NXT2: variants seen among roughly 807,000 people sequenced by gnomAD.
The protein encoded by NXT2 is nuclear transport factor 2 like export factor 2, also known as NTF2-related export protein 2.
A neutral mutation model predicts 9.6 loss-of-function variants in NXT2; 1 was observed. The observed-to-expected ratio is 0.10, with a 90% CI of 0.04 to 0.49. The LOEUF (loss-of-function observed/expected upper bound fraction) is 0.49, where lower values mean the gene tolerates loss of function less well. Among genes scored for constraint, NXT2 ranks in the 20% least tolerant of loss-of-function variants. NXT2 has a pLI of 0.95. For missense variants in NXT2, 48 were observed against 100.3 expected, an observed-to-expected ratio of 0.48 and a Z score of 2.23; for synonymous variants, 22 against 35.4, an observed-to-expected ratio of 0.62 and a Z score of 1.34.
rs141965871 is a variant in NXT2 at position 109,537,256 on chromosome X, G to A, written c.15+235G>A. On this transcript the variant is annotated intron_variant, in intron 1 of 3. Coordinates refer to ENST00000372106, the MANE Select transcript of NXT2 (RefSeq NM_001242617.2). The stretch of plus-strand genomic sequence containing the variant: ...GACCCTGAGCTGGGAAATAGCGAGA[G>A]GCGGGGATGTTGGGGTTTGTTGTTT... 4.1e-3 allele frequency: 4,149 copies of A among 1,003,913 alleles called. 78 individuals are homozygous for A. In the East Asian group the frequency reaches 0.079, roughly 19 times the overall value. The allele number at this position is 1,003,913 out of a possible 1,213,427, so 82.7% of individuals were successfully genotyped here.
chrX:109,536,865 A>C lies in NXT2; in HGVS notation c.-142A>C, dbSNP rs1933284714. 8.7e-7 allele frequency: 1 copy of C among 1,154,992 alleles called. No homozygotes were observed. On this transcript the variant is annotated 5_prime_UTR_variant, in exon 1 of 4. Coordinates refer to ENST00000372106, the MANE Select transcript of NXT2 (RefSeq NM_001242617.2). ...CGACGGACCGAGCTACTTCCGGGAG[A>C]GAATGGGAGGGTGGAAAATTTTGTG... is the stretch of plus-strand genomic sequence containing the variant.
chrX:109,541,117 C>T (rs975509063), intron 2 of NXT2, among the ~76,000 whole-genome samples: 1 of 111,924 alleles, frequency 8.9e-6, no homozygotes, highest in Non-Finnish European at 1.9e-5. Flanking sequence ...AAGGAAGACA[C>T]ACTAAAACTG....
chrX:109,541,350 G>T lies in NXT2; in HGVS notation c.103-125G>T, dbSNP rs1014362060. The T allele has an allele frequency of 3.6e-5, 19 of 522,119 alleles. No homozygotes were observed. In the South Asian group the frequency reaches 8.8e-4, roughly 24 times the overall value. 43.0% of individuals were successfully genotyped at this position (522,119 alleles called of 1,213,427 possible). On this transcript the variant is annotated intron_variant, in intron 2 of 3. Coordinates refer to ENST00000372106, the MANE Select transcript of NXT2 (RefSeq NM_001242617.2). ...TTCCAGTGGAGATGGAGCAAGGGGAGTGGAGATGAAGGTAGAACTACAAAA... is the reference window on the plus strand; with the variant it reads ...TTCCAGTGGAGATGGAGCAAGGGGATTGGAGATGAAGGTAGAACTACAAAA...
upstream of NXT2, among the ~76,000 whole-genome samples, chrX:109,536,233 G>C (rs903338221): frequency 4.5e-5 from 5 of 112,161 alleles, no homozygotes; most frequent in African/African-American, 1.6e-4. Context: ...GATTAGAAAA[G>C]CACCTTACAT....
In NXT2 at chrX:109,541,477, A is replaced by T; in HGVS notation, c.105A>T (p.Ala35=). ...TTTAAATTTGTCTTTCTTTTTAGGC[A>T]CTAACCAGGCTGTATCTGGACAAGG... The part of the protein sequence containing the change: ...YYETMDKRRR[A]LTRLYLDKAT... The change falls in exon 3 of 4, where the codon GCA becomes GCT. Residue 35 remains alanine, a splice_region_variant and synonymous_variant. Transcript: ENST00000372106. 2 of 1,185,497 alleles carry T rather than the reference A, an allele frequency of 1.7e-6. No homozygotes were observed. Among genetic ancestry groups the T allele is most frequent in the Non-Finnish European group, 2.3e-6 (2 of 878,368 alleles).
chrX:109,538,786 A>C (rs1480534944), intron 2 of NXT2, among the ~76,000 whole-genome samples: 1 of 111,415 alleles, frequency 9.0e-6, no homozygotes, highest in Non-Finnish European at 1.9e-5. Context: ...TGTGCTTTGG[A>C]GAACTACTTC....
chrX:109,541,715 CTATT>C, intron 3 of NXT2, 96 bp downstream of exon 3: 1 of 687,237 alleles, frequency 1.5e-6, no homozygotes, highest in East Asian at 3.4e-5. Context: ...AGTGGTAGAA[CTATT>C]TACTTACTTG....
At chrX:109,537,811 CAG>C (rs1325649673) in intron 1 of NXT2, among the ~76,000 whole-genome samples, 1 of 111,889 alleles carries the variant, frequency 8.9e-6, no homozygotes, top group African/African-American at 3.3e-5. Flanking sequence ...GAAAAAGACT[CAG>C]ATTCATTGAG....
chrX:109,536,069 AAGCCAC>A (rs1262261727), upstream of NXT2: 1 of 605,313 alleles, frequency 1.7e-6, no homozygotes, highest in Non-Finnish European at 2.6e-6. Flanking sequence ...TTGGGGAGCA[AAGCCAC>A]ATTGCCATGA....
chrX:109,537,900 A>G, intron 1 of NXT2, 145 bp from the exon 2 acceptor site: 1 of 374,176 alleles, frequency 2.7e-6, no homozygotes, highest in Non-Finnish European at 4.7e-6. Flanking sequence ...CCGGCCTTTA[A>G]AATGTCTGAA....
rs1933325860 is a variant in NXT2 at position 109,538,104 on chromosome X, C to T, written c.75C>T (p.Tyr25=). ...CRAAEEFVNI[Y]YETMDKRRRA... ...CTGCTGAGGAGTTTGTCAATATTTA[C>T]TATGAGACAATGGATAAAAGAAGAC... Residue 25 remains tyrosine, a synonymous_variant, in exon 2 of 4, where the codon TAC becomes TAT. Transcript: ENST00000372106. 1 of 1,183,466 alleles carries T rather than the reference C, an allele frequency of 8.4e-7. No individual in the cohort carries two copies. The highest frequency in any genetic ancestry group is 2.2e-5 in the Admixed American group (1 of 45,939).
chrX:109,538,983 A>G (rs1487747195), intron 2 of NXT2, among the ~76,000 whole-genome samples: 3 of 111,079 alleles, frequency 2.7e-5, no homozygotes, highest in Non-Finnish European at 5.7e-5. Context: ...TCAACCCGTC[A>G]TCTACATTAG....
intron 1 of NXT2, 173 bp downstream of exon 1, chrX:109,537,194 C>T (rs892083703): frequency 2.9e-6 from 3 of 1,043,906 alleles, no homozygotes; most frequent in Non-Finnish European, 3.7e-6. Context: ...GGCCCCACCC[C>T]CAGCCTGGTT....
At chrX:109,535,880 A>C (rs764432699), upstream of NXT2, 1 of 1,170,365 alleles carries the variant, frequency 8.5e-7, no homozygotes, top group South Asian at 1.9e-5. Context: ...AAAGATTAAA[A>C]GTATGAGAAA....
rs1349818201 is a variant in NXT2 at position 109,544,049 on chromosome X, C to T, written c.*1361C>T. On this transcript the variant is annotated 3_prime_UTR_variant, in exon 4 of 4. Transcript: ENST00000372106. ...GAGAATAGCAAATCTTCATGATAAT[C>T]CTCAAAAGAACAAAATGCTTAACTT... 1 of 112,481 alleles carries T rather than the reference C, an allele frequency of 8.9e-6. No homozygotes were observed. The highest frequency in any genetic ancestry group is 1.9e-5 in the Non-Finnish European group (1 of 53,093). 9.3% of individuals were successfully genotyped at this position (112,481 alleles called of 1,213,427 possible).
upstream of NXT2, chrX:109,535,836 T>A: frequency 2.0e-6 from 2 of 994,317 alleles, no homozygotes; most frequent in South Asian, 4.4e-5. Context: ...CTTCCGTTAG[T>A]CCTACCTTGA....
At chrX:109,540,848 A>G (rs778650136) in intron 2 of NXT2, among the ~76,000 whole-genome samples, 54 of 111,745 alleles carry the variant, frequency 4.8e-4, no homozygotes, top group Non-Finnish European at 8.7e-4. Flanking sequence ...GCTACTTGGG[A>G]GGCTGAGGCA....
At position 109,537,183 on chromosome X, in the gene NXT2, C is replaced by T. The variant is rs1008208361; in HGVS notation, c.15+162C>T. 7 of 1,050,899 alleles carry T rather than the reference C, an allele frequency of 6.7e-6. No individual in the cohort carries two copies. The African/African-American group carries it at 1.2e-4, about 17-fold the overall frequency. 86.6% of individuals were successfully genotyped at this position (1,050,899 alleles called of 1,213,427 possible). A position where few individuals can be genotyped will look rare whatever the true frequency, so the allele number is the denominator to read the frequency against. Reference sequence around the variant, plus strand: ...GCCCACGCTTTGCTGCCCGCCCTGCCGGCCCCACCCCCAGCCTGGTTAGCA... The same window carrying T: ...GCCCACGCTTTGCTGCCCGCCCTGCTGGCCCCACCCCCAGCCTGGTTAGCA... On this transcript the variant is annotated intron_variant, in intron 1 of 3. Transcript: ENST00000372106.
chrX:109,536,042 G>C, upstream of NXT2: 1 of 910,122 alleles, frequency 1.1e-6, no homozygotes, highest in Non-Finnish European at 1.5e-6. Context: ...TTTGGGATGA[G>C]AGGTTTTTAA....
Sources: allele counts gnomAD v4.1 joint callset (sites outside exome capture counted in the v4.1 genomes callset), GRCh38; gene constraint gnomAD v4.1.1; transcripts MANE v1.5; gene names NCBI Gene and HGNC (gene_info 2026-07-23, HGNC 2026-07-21).